Variants in STAC2 observed in about 807,000 individuals in gnomAD.
The protein encoded by STAC2 is SH3 and cysteine-rich domain-containing protein 2.
A neutral mutation model predicts 49.0 loss-of-function variants in STAC2; 36 were observed. The ratio of observed to expected loss-of-function variants is 0.74; its 90% CI spans 0.56 to 0.97. The LOEUF is 0.97. Ranked by LOEUF, STAC2 falls within the 50% of genes least tolerant of loss-of-function variation. The pLI is 0.00. For synonymous variants in STAC2, 239 were observed against 214.7 expected (o/e 1.11, Z -0.99); for missense variants, 527 against 543.8 (o/e 0.97, Z 0.31).
intron 9 of STAC2, 120 bp downstream of exon 9, chr17:39,213,387 A>C: frequency 7.5e-7 from 1 of 1,337,996 alleles, no homozygotes; most frequent in Non-Finnish European, 1.0e-6. Context: ...GGCTGGGACC[A>C]GTGGTTGGAG....
rs555370172 is a variant in STAC2 at position 39,217,966 on chromosome 17, G to C, written c.298C>G (p.Arg100Gly). ...TPSPSPCPVPRPLAALKPVRL... is the reference protein window; with the variant it reads ...TPSPSPCPVPGPLAALKPVRL... ...ACTGGTTTGAGCGCTGCCAGGGGGC[G>C]TGGGACTGGGCATGGGGAGGGGGAT... The change falls in exon 2 of 11, where the codon CGC (arginine) becomes GGC (glycine). Residue 100 changes from arginine to glycine, a missense_variant. By Grantham distance (125) the Arg-to-Gly change is moderately radical (BLOSUM62 -2). Coordinates refer to ENST00000333461, the MANE Select transcript of STAC2 (RefSeq NM_198993.5). The C allele has an allele frequency of 3.1e-6, 5 of 1,592,536 alleles. No homozygotes were observed. The highest frequency in any genetic ancestry group is 4.3e-6 in the Non-Finnish European group (5 of 1,170,390).
At chr17:39,214,160 C>T in intron 8 of STAC2, 73 bp downstream of exon 8, 5 of 1,539,014 alleles carry the variant, frequency 3.2e-6, no homozygotes, top group Non-Finnish European at 2.7e-6. Flanking sequence ...TCCTGAAGGC[C>T]CCCCTCACAC....
At position 39,213,548 on chromosome 17, in the gene STAC2, G is replaced by T; in HGVS notation, c.952C>A (p.Arg318=). ...NNDLALQPGD[R]IMLVDDSNED... ...TTAGAGTCATCCACCAGCATGATCC[G>T]ATCTCCAGGCCTGGGGAGGACAGAG... Residue 318 remains arginine (R), a synonymous_variant, in exon 9 of 11, where the codon CGG becomes AGG. Coordinates refer to ENST00000333461, the MANE Select transcript of STAC2 (RefSeq NM_198993.5). 6.2e-7 allele frequency: 1 copy of T among 1,613,758 alleles called. No homozygotes were observed. The highest frequency in any genetic ancestry group is 8.5e-7 in the Non-Finnish European group (1 of 1,179,776).
Position 39,220,719 on chromosome 17 carries a change from G to A in STAC2, c.91-2546C>T, listed in dbSNP as rs570999168. 5.3e-5 allele frequency among the ~76,000 whole-genome samples: 8 copies of A among 152,186 alleles called. No homozygotes were observed. In the East Asian group the frequency reaches 9.7e-4, roughly 18 times the overall value. On this transcript the variant is annotated intron_variant, in intron 1 of 10. Coordinates refer to ENST00000333461, the MANE Select transcript of STAC2 (RefSeq NM_198993.5). Reference sequence around the variant, plus strand: ...GATCTCCTGACCTCGTGATTTGCCCGCCTCGGCCTCCCAAAGTGTTGGGAT... The same window carrying A: ...GATCTCCTGACCTCGTGATTTGCCCACCTCGGCCTCCCAAAGTGTTGGGAT...
rs79968874 is a variant in STAC2, at chr17:39,214,269, T to C, written c.905A>G (p.Lys302Arg). Residue 302 changes from lysine to arginine, a missense_variant, in exon 8 of 11, where the codon AAG (lysine) becomes AGG (arginine). Coordinates refer to ENST00000333461, the MANE Select transcript of STAC2 (RefSeq NM_198993.5). ...GPMYSYVALY[K>R]FLPQENNDLA... ...ATCATTGTTCTCCTGGGGCAGAAAC[T>C]TGTAGAGTGCAACGTAGGAGTACAT... is the stretch of plus-strand genomic sequence containing the variant. The C allele has an allele frequency of 5.0e-3, 8,005 of 1,614,042 alleles. 23 individuals are homozygous for C. Among genetic ancestry groups the C allele is most frequent in the Non-Finnish European group, 6.2e-3 (7,298 of 1,179,948 alleles).
In STAC2 at chr17:39,225,318, C is replaced by T. The variant is rs1597739850; in HGVS notation, c.90+95G>A. 14 of 1,104,590 alleles carry T rather than the reference C, an allele frequency of 1.3e-5. 1 individual carries two copies. In the South Asian group the frequency reaches 2.3e-4, roughly 18 times the overall value. 68.4% of individuals were successfully genotyped at this position (1,104,590 alleles called of 1,614,324 possible). A position where few individuals can be genotyped will look rare whatever the true frequency, so the allele number is the denominator to read the frequency against. ...TCAGTGGTCACGCGGGCCTCGCGACCGCGACCCTAGGACGCCCGGGCCCAC... is the reference window on the plus strand; with the variant it reads ...TCAGTGGTCACGCGGGCCTCGCGACTGCGACCCTAGGACGCCCGGGCCCAC... On this transcript the variant is annotated intron_variant, in intron 1 of 10. Transcript: ENST00000333461. This position sits in a 1 kb window ranked among gnomAD's most constrained non-coding sequence, Gnocchi z 8.2.
Position 39,210,543 on chromosome 17 carries a change from G to C in STAC2, c.*1749C>G, listed in dbSNP as rs2144221515. 1 of 152,660 alleles carries C rather than the reference G, an allele frequency of 6.6e-6. No individual in the cohort carries two copies. Among genetic ancestry groups the C allele is most frequent in the Admixed American group, 6.5e-5 (1 of 15,282 alleles). The allele number at this position is 152,660 out of a possible 1,614,324, so 9.5% of individuals were successfully genotyped here. A position where few individuals can be genotyped will look rare whatever the true frequency, so the allele number is the denominator to read the frequency against. On this transcript the variant is annotated 3_prime_UTR_variant, in exon 11 of 11. Coordinates refer to ENST00000333461, the MANE Select transcript of STAC2 (RefSeq NM_198993.5). Reference sequence around the variant, plus strand: ...TGAGAGACACAGAGCAGATGGGCTGGGACAAGAAACATTTAATTAGGGGTC... The same window carrying C: ...TGAGAGACACAGAGCAGATGGGCTGCGACAAGAAACATTTAATTAGGGGTC...
At chr17:39,217,292 A>T (rs1292203385) in intron 2 of STAC2, 119 bp from the exon 3 acceptor site, 9 of 903,096 alleles carry the variant, frequency 1.0e-5, no homozygotes, top group Non-Finnish European at 1.6e-5. Context: ...CTTGAGGCCC[A>T]GCACCTACCC....
In STAC2 at chr17:39,218,049, G is replaced by A; in HGVS notation, c.215C>T (p.Thr72Ile). ...CPTEVLLTPP[T>I]PLPPPSPPPT... Reference sequence around the variant, plus strand: ...TGGTGGGGAGGGAGGGGGCAGTGGGGTTGGGGGCGTCAGCAGCACCTCGGT... The same window carrying A: ...TGGTGGGGAGGGAGGGGGCAGTGGGATTGGGGGCGTCAGCAGCACCTCGGT... The change falls in exon 2 of 11, where the codon ACC becomes ATC. Residue 72 changes from threonine to isoleucine, a missense_variant. By Grantham distance (89) the Thr-to-Ile change is moderately conservative (BLOSUM62 -1). Transcript: ENST00000333461. The A allele has an allele frequency of 6.2e-7, 1 of 1,603,182 alleles. No individual in the cohort carries two copies. The highest frequency in any genetic ancestry group is 8.5e-7 in the Non-Finnish European group (1 of 1,174,174).
intron 7 of STAC2, 22 bp downstream of exon 7, chr17:39,214,769 G>C: frequency 6.2e-7 from 1 of 1,612,698 alleles, no homozygotes; most frequent in Non-Finnish European, 8.5e-7. Flanking sequence ...GACCTTCCGG[G>C]CCAATGCCAG....
intron 2 of STAC2, among the ~76,000 whole-genome samples, chr17:39,217,438 T>G (rs907249099): frequency 1.3e-5 from 2 of 151,896 alleles, no homozygotes; most frequent in African/African-American, 4.8e-5. Context: ...AGAGGCACAG[T>G]TGGGGGTGGG....
Position 39,213,546 on chromosome 17 carries a change from C to A in STAC2, c.954G>T (p.Arg318=). The A allele has an allele frequency of 6.2e-7, 1 of 1,613,864 alleles. No individual in the cohort carries two copies. The highest frequency in any genetic ancestry group is 8.5e-7 in the Non-Finnish European group (1 of 1,179,818). ...NNDLALQPGD[R]IMLVDDSNED... is the part of the protein sequence containing the mutation. ...CGTTAGAGTCATCCACCAGCATGAT[C>A]CGATCTCCAGGCCTGGGGAGGACAG... Residue 318 remains arginine, a synonymous_variant, in exon 9 of 11, where the codon CGG becomes CGT. Coordinates refer to ENST00000333461, the MANE Select transcript of STAC2 (RefSeq NM_198993.5).
At position 39,217,176 on chromosome 17, in the gene STAC2, A is replaced by G. The variant is rs1426216863; in HGVS notation, c.398-3T>C. The G allele has an allele frequency of 6.2e-7, 1 of 1,612,556 alleles. No individual in the cohort carries two copies. The highest frequency in any genetic ancestry group is 8.5e-7 in the Non-Finnish European group (1 of 1,179,446). ...TCGCAAGCCCTGTTTGGAGTTTCCT[A>G]GGAAGAATTTGGGTTCAGCAATTGA... On this transcript the variant is annotated splice_polypyrimidine_tract_variant and splice_region_variant and intron_variant, in intron 2 of 10. Coordinates refer to ENST00000333461, the MANE Select transcript of STAC2 (RefSeq NM_198993.5).
At chr17:39,223,990 G>A (rs2144264825) in intron 1 of STAC2, among the ~76,000 whole-genome samples, 1 of 152,244 alleles carries the variant, frequency 6.6e-6, no homozygotes, top group Non-Finnish European at 1.5e-5. Flanking sequence ...TTTAGAAGGG[G>A]GCAAGAGAGA....
Position 39,225,824 on chromosome 17 carries a change from A to G in STAC2, c.-322T>C. On this transcript the variant is annotated 5_prime_UTR_variant, in exon 1 of 11. Transcript: ENST00000333461. The surrounding 1 kb of genome is among the most constrained non-coding windows in gnomAD (Gnocchi z 8.2). ...GATGAGCCGAGGGAGGGAGCCAAGG[A>G]GCTGTCCGTGTCCAGCCGGCTCCGC... is the stretch of plus-strand genomic sequence containing the variant. The G allele has an allele frequency of 2.9e-6, 1 of 339,736 alleles. No homozygotes were observed. Among genetic ancestry groups the G allele is most frequent in the Non-Finnish European group, 5.5e-6 (1 of 183,082 alleles). The allele number at this position is 339,736 out of a possible 1,614,324, so 21.0% of individuals were successfully genotyped here.
chr17:39,216,995 C>A, intron 3 of STAC2, 81 bp downstream of exon 3: 1 of 1,592,654 alleles, frequency 6.3e-7, no homozygotes, highest in African/African-American at 1.3e-5. Flanking sequence ...CAGGAAGGAG[C>A]AGCCCTGAGG....
Position 39,217,103 on chromosome 17 carries a change from G to C in STAC2, c.468C>G (p.Ile156Met). 1.9e-6 allele frequency: 3 copies of C among 1,614,010 alleles called. No individual in the cohort carries two copies. The highest frequency in any genetic ancestry group is 2.5e-6 in the Non-Finnish European group (3 of 1,179,978). The change falls in exon 3 of 11, where the codon ATC becomes ATG. Residue 156 changes from isoleucine to methionine, a missense_variant. Transcript: ENST00000333461. ...TCTTGCCTGGGCATTGCTGGTGGGA[G>C]ATCTCCTCAGAGCACCAGAGGTGGA... Reference protein sequence around the residue: ...VSVHLWCSEEISHQQCPGKTS... With the variant: ...VSVHLWCSEEMSHQQCPGKTS...
chr17:39,216,893 G>T lies in STAC2; in HGVS notation c.503C>A (p.Ser168Tyr). Residue 168 changes from serine (S) to tyrosine (Y), a missense_variant, in exon 4 of 11, where the codon TCC becomes TAC. Ser to Tyr is a moderately radical substitution (Grantham distance 144). Transcript: ENST00000333461. Reference protein sequence around the residue: ...HQQCPGKTSTSFRRNFSSPLL... With the variant: ...HQQCPGKTSTYFRRNFSSPLL... ...AGGGGAACTGAAGTTGCGGCGGAAG[G>T]AGGTGGACTATGGCAAGAGAGGGCA... 6.2e-7 allele frequency: 1 copy of T among 1,601,446 alleles called. No homozygotes were observed. Among genetic ancestry groups the T allele is most frequent in the Non-Finnish European group, 8.5e-7 (1 of 1,174,030 alleles).
rs1430499895 is a variant in STAC2, at chr17:39,212,349, G to T, written c.1179C>A (p.Arg393=). 1 of 1,612,398 alleles carries T rather than the reference G, an allele frequency of 6.2e-7. No homozygotes were observed. Among genetic ancestry groups the T allele is most frequent in the East Asian group, 2.2e-5 (1 of 44,864 alleles). ...GRSKDADGFI[R]VSSGKKRGLV... ...GGCCCCGCTTCTTGCCACTGCTGAC[G>T]CGGATGAAGCCGTCAGCATCCTTGC... The change falls in exon 11 of 11, where the codon CGC becomes CGA. Residue 393 remains arginine (R), a synonymous_variant. Transcript: ENST00000333461.
Sources: allele counts gnomAD v4.1 joint callset (sites outside exome capture counted in the v4.1 genomes callset), GRCh38; gene constraint gnomAD v4.1.1; non-coding constraint Gnocchi (gnomAD v3.1); transcripts MANE v1.5; gene names NCBI Gene and HGNC (gene_info 2026-07-23, HGNC 2026-07-21).